The following ABI2 variants were observed in gnomAD, a reference collection of about 807,000 sequenced individuals.
ABI2 encodes abelson interactor 2.
A neutral mutation model predicts 59.2 loss-of-function variants in ABI2; 25 were observed. That is an observed-to-expected ratio of 0.42 (90% CI 0.31 to 0.59). The LOEUF (loss-of-function observed/expected upper bound fraction) is 0.59. Ranked by LOEUF, ABI2 falls within the 20% of genes least tolerant of loss-of-function variation. The pLI is 0.14. For missense variants in ABI2, 545 were observed against 681.8 expected (o/e 0.80, Z 2.23); for synonymous variants, 213 against 235.5 (o/e 0.90, Z 0.87).
In ABI2 at chr2:203,431,640, T is replaced by TAAA. The variant is rs1388326063; in HGVS notation, c.*4288_*4289insAAA. ...AAATGGAGGCATTGAGCTCATTACC[T>TAAA]TTAAGTTTACTTTGTGCTGACCTTT... On this transcript the variant is annotated 3_prime_UTR_variant, in exon 12 of 12. Coordinates refer to ENST00000261018, the MANE Select transcript of ABI2 (RefSeq NM_001375670.1). 1 of 152,042 alleles carries TAAA rather than the reference T, an allele frequency of 6.6e-6. No homozygotes were observed. Among genetic ancestry groups the TAAA allele is most frequent in the Non-Finnish European group, 1.5e-5 (1 of 67,988 alleles). 9.4% of individuals were successfully genotyped at this position (152,042 alleles called of 1,614,324 possible).
rs1015056471 is a variant in ABI2 at position 203,366,891 on chromosome 2, G to A, written c.132G>A (p.Gln44=). 18 of 1,577,068 alleles carry A rather than the reference G, an allele frequency of 1.1e-5. No individual in the cohort carries two copies. Among genetic ancestry groups the A allele is most frequent in the African/African-American group, 2.7e-5 (2 of 73,824 alleles). ...ENNYIQSADK[Q]RALEETKAYT... ...TTTTTTCCCAGTCAGCAGATAAGCA[G>A]AGAGCCCTAGAAGAAACCAAAGCCT... Residue 44 remains glutamine (Q), a synonymous_variant, in exon 2 of 12, where the codon CAG becomes CAA. Transcript: ENST00000261018.
intron 9 of ABI2, among the ~76,000 whole-genome samples, chr2:203,404,944 T>A (rs1297774356): frequency 6.6e-6 from 1 of 152,216 alleles, no homozygotes; most frequent in Non-Finnish European, 1.5e-5. Flanking sequence ...TTGAAGGCTG[T>A]TTAAGCACAT....
chr2:203,372,534 C>T (rs1214004583), intron 2 of ABI2, among the ~76,000 whole-genome samples: 6 of 150,724 alleles, frequency 4.0e-5, no homozygotes, highest in African/African-American at 7.3e-5. Context: ...ATCTCCCAGA[C>T]GGGGCGGCTG....
rs2098486400 is a variant in ABI2, at chr2:203,431,865, GT to G, written c.*4518del. ...AACTTAAGAATTCTATGGAAAAGCA[GT>G]TTTTATCATATTTTGTGTCCATGCA... On this transcript the variant is annotated 3_prime_UTR_variant, in exon 12 of 12. Transcript: ENST00000261018. 6.6e-6 allele frequency: 1 copy of G among 152,132 alleles called. No homozygotes were observed. 9.4% of individuals were successfully genotyped at this position (152,132 alleles called of 1,614,324 possible).
In ABI2 at chr2:203,395,679, G is replaced by A; in HGVS notation, c.749G>A (p.Ser250Asn). ...TYSSSGSSGG[S>N]HPSSRSSSRE... Reference sequence around the variant, plus strand: ...AGCAGCAGTGGGAGTAGTGGAGGGAGCCACCCAAGTAGTCGGAGCAGCAGT... The same window carrying A: ...AGCAGCAGTGGGAGTAGTGGAGGGAACCACCCAAGTAGTCGGAGCAGCAGT... The change falls in exon 7 of 12, where the codon AGC becomes AAC. Residue 250 changes from serine (S) to asparagine (N), a missense_variant. This residue lies in a region of ABI2 where 410 missense variants were observed against 435.6 expected (regional missense o/e 0.94). Coordinates refer to ENST00000261018, the MANE Select transcript of ABI2 (RefSeq NM_001375670.1). 1 of 1,611,990 alleles carries A rather than the reference G, an allele frequency of 6.2e-7. No homozygotes were observed. Among genetic ancestry groups the A allele is most frequent in the Non-Finnish European group, 8.5e-7 (1 of 1,179,140 alleles).
intron 5 of ABI2, chr2:203,394,456 A>G (rs902421649): frequency 2.2e-6 from 1 of 464,226 alleles, no homozygotes; most frequent in African/African-American, 2.0e-5. Context: ...CTCTTTGAGA[A>G]TAAATGAACA....
Position 203,391,075 on chromosome 2 carries a change from G to A in ABI2, c.510G>A (p.Gly170=). 10 of 1,613,870 alleles carry A rather than the reference G, an allele frequency of 6.2e-6. 1 individual carries two copies. Among genetic ancestry groups the A allele is most frequent in the Non-Finnish European group, 8.5e-6 (10 of 1,179,906 alleles). The change falls in exon 5 of 12, where the codon GGG becomes GGA. Residue 170 remains glycine, a synonymous_variant. Coordinates refer to ENST00000261018, the MANE Select transcript of ABI2 (RefSeq NM_001375670.1). The part of the protein sequence containing the change: ...KVSTQNMKMG[G]LPRTTPPTQK... ...GTACCCAGAACATGAAGATGGGTGGGCTGCCGCGTACAACACCTCCAACTC... is the reference window on the plus strand; with the variant it reads ...GTACCCAGAACATGAAGATGGGTGGACTGCCGCGTACAACACCTCCAACTC...
chr2:203,415,689 A>C (rs148873987), intron 10 of ABI2, among the ~76,000 whole-genome samples: 71 of 152,216 alleles, frequency 4.7e-4, no homozygotes, highest in African/African-American at 1.6e-3. Context: ...ATACTAAATA[A>C]ATTGGATTGC....
chr2:203,373,127 G>A (rs947894235), intron 2 of ABI2, among the ~76,000 whole-genome samples: 74 of 152,252 alleles, frequency 4.9e-4, no homozygotes, highest in African/African-American at 1.5e-3. Flanking sequence ...GGAGGTGGAG[G>A]TTGTAGCGAG....
chr2:203,394,883 T>C, intron 6 of ABI2, 37 bp downstream of exon 6: 1 of 1,606,788 alleles, frequency 6.2e-7, no homozygotes, highest in Non-Finnish European at 8.5e-7. Flanking sequence ...GTGATGGTCA[T>C]AGTACCATAA....
chr2:203,331,801 C>A (rs924555236), intron 1 of ABI2, among the ~76,000 whole-genome samples: 2 of 136,980 alleles, frequency 1.5e-5, no homozygotes, highest in Non-Finnish European at 3.1e-5. Context: ...TGTTTTTGCT[C>A]AGTGTTCTTT....
intron 1 of ABI2, among the ~76,000 whole-genome samples, chr2:203,338,879 C>T (rs1380829130): frequency 7.2e-6 from 1 of 138,830 alleles, no homozygotes; most frequent in Non-Finnish European, 1.5e-5. Flanking sequence ...ATGTGCAAAC[C>T]ATACATCTAT....
chr2:203,364,734 A>AT (rs35748117), intron 1 of ABI2, among the ~76,000 whole-genome samples: 343 of 141,742 alleles, frequency 2.4e-3, no homozygotes, highest in Middle Eastern at 3.7e-3. Flanking sequence ...TATTTTTTTA[A>AT]TTTTTTTTTT....
At chr2:203,387,952 G>GT (rs543310136) in intron 4 of ABI2, among the ~76,000 whole-genome samples, 1 of 151,856 alleles carries the variant, frequency 6.6e-6, no homozygotes, top group Non-Finnish European at 1.5e-5. Context: ...CCTCAAAATA[G>GT]TTTTTTTAGG....
At position 203,427,499 on chromosome 2, in the gene ABI2, TAAAAAC is replaced by T. The variant is rs2098450381; in HGVS notation, c.*151_*156del. 3.7e-5 allele frequency: 25 copies of T among 678,954 alleles called. No individual in the cohort carries two copies. Among genetic ancestry groups the T allele is most frequent in the South Asian group, 3.0e-4 (12 of 40,002 alleles). The allele number at this position is 678,954 out of a possible 1,614,324, so 42.1% of individuals were successfully genotyped here. Reference sequence around the variant, plus strand: ...TTTTTTTTGGTTTATTCCCCAGTATTAAAAACAAAGCAAGCTGAGTCTGAACAAATG... The same window carrying T: ...TTTTTTTTGGTTTATTCCCCAGTATTAAAGCAAGCTGAGTCTGAACAAATG... On this transcript the variant is annotated 3_prime_UTR_variant, in exon 12 of 12. Transcript: ENST00000261018.
At chr2:203,408,276 G>A (rs1441219950) in intron 9 of ABI2, among the ~76,000 whole-genome samples, 2 of 151,374 alleles carry the variant, frequency 1.3e-5, no homozygotes, top group Admixed American at 6.6e-5. Context: ...GATTCTCCTG[G>A]TTCAGCCTCC....
chr2:203,368,975 G>A (rs904885657), intron 2 of ABI2, among the ~76,000 whole-genome samples: 21 of 138,820 alleles, frequency 1.5e-4, no homozygotes, highest in African/African-American at 5.1e-4. Context: ...CACGTGCCAT[G>A]CTTGGCTGAT....
At chr2:203,422,371 T>C (rs1037392389) in intron 11 of ABI2, among the ~76,000 whole-genome samples, 1 of 152,220 alleles carries the variant, frequency 6.6e-6, no homozygotes, top group Admixed American at 6.5e-5. Flanking sequence ...CCCTGAGTGA[T>C]AAATGTAATC....
rs575714148 is a variant in ABI2, at chr2:203,333,921, T to A, written c.117+5290T>A. ...AATTAATTAATAAACTGTTCATTTA[T>A]TTTTTCTTTTCTTTTTTCTTTCTTT... On this transcript the variant is annotated intron_variant, in intron 1 of 11. Transcript: ENST00000261018. 3.9e-5 allele frequency among the ~76,000 whole-genome samples: 6 copies of A among 152,058 alleles called. No homozygotes were observed. In the East Asian group the frequency reaches 9.7e-4, roughly 24 times the overall value.
Sources: allele counts gnomAD v4.1 joint callset (sites outside exome capture counted in the v4.1 genomes callset), GRCh38; gene constraint gnomAD v4.1.1; regional missense constraint gnomAD v4.1.1; transcripts MANE v1.5; gene names NCBI Gene and HGNC (gene_info 2026-07-23, HGNC 2026-07-21).